The following QRICH2 variants were observed in gnomAD, a reference collection of about 807,000 sequenced individuals.
QRICH2 encodes glutamine-rich protein 2.
QRICH2 carries 119 observed loss-of-function variants against 168.3 expected under a neutral mutation model. That is an observed-to-expected ratio of 0.71 (90% CI 0.61 to 0.82). QRICH2 has a LOEUF of 0.82. Among genes scored for constraint, QRICH2 ranks in the 40% least tolerant of loss-of-function variants. The pLI is 0.00. For synonymous variants in QRICH2, 894 were observed against 951.2 expected, an observed-to-expected ratio of 0.94 and a Z score of 1.11; for missense variants, 2,241 against 2,491.6, an observed-to-expected ratio of 0.90 and a Z score of 2.14.
Position 76,275,859 on chromosome 17 carries a change from A to AGAGGGCAGCT in QRICH2, c.5432_5441dup (p.Arg1815AlafsTer25). 2 of 1,608,098 alleles carry AGAGGGCAGCT rather than the reference A, an allele frequency of 1.2e-6. No individual in the cohort carries two copies. The highest frequency in any genetic ancestry group is 1.3e-5 in the African/African-American group (1 of 75,018). ...CCGAAATCTGGGCGCTCTGTGGCCGAGAGGGCAGCTGGCCATTGCTGCTGA... is the reference window on the plus strand; with the variant it reads ...CCGAAATCTGGGCGCTCTGTGGCCGAGAGGGCAGCTGAGGGCAGCTGGCCATTGCTGCTGA... On this transcript the variant is annotated frameshift_variant, in exon 18 of 19. Coordinates refer to ENST00000680821, the MANE Select transcript of QRICH2 (RefSeq NM_001388453.1). LOFTEE classifies it low-confidence loss of function (END_TRUNC).
rs1194476381 is a variant in QRICH2, at chr17:76,307,162, G to C, written c.534+303C>G. The stretch of plus-strand genomic sequence containing the variant: ...TCCCGTAAACAGGGGCTAGGAAGGA[G>C]GGGGTGGGATGGGGCCACTACACTT... On this transcript the variant is annotated intron_variant, in intron 1 of 18. Transcript: ENST00000680821. This position sits in a 1 kb window ranked among gnomAD's most constrained non-coding sequence, Gnocchi z 5.3. Among the ~76,000 whole-genome samples the C allele has an allele frequency of 6.6e-6, 1 of 152,210 alleles. No homozygotes were observed. Among genetic ancestry groups the C allele is most frequent in the Admixed American group, 6.5e-5 (1 of 15,288 alleles).
Position 76,293,678 on chromosome 17 carries a change from G to A in QRICH2, c.1049C>T (p.Ser350Leu), listed in dbSNP as rs140207583. The change falls in exon 4 of 19, where the codon TCG (serine) becomes TTG (leucine). Residue 350 changes from serine to leucine, a missense_variant. Transcript: ENST00000680821. ...ACGTGCATTTCTTCTTGGTTGTGTC[G>A]AGGTAAGCTTCTCTCTACTCCTGTG... The part of the protein sequence containing the change: ...DRHRSREKLT[S>L]TQPRRNARPG... The A allele has an allele frequency of 1.9e-4, 302 of 1,614,136 alleles. 4 individuals are homozygous for A. In the South Asian group the frequency reaches 2.1e-3, roughly 11 times the overall value.
At position 76,280,415 on chromosome 17, in the gene QRICH2, G is replaced by A. The variant is rs749917221; in HGVS notation, c.4498C>T (p.Arg1500Cys). 8.1e-6 allele frequency: 13 copies of A among 1,614,132 alleles called. No homozygotes were observed. The highest frequency in any genetic ancestry group is 4.5e-5 in the East Asian group (2 of 44,882). ...TCCGTGGTGGCATCAAACTGGACAC[G>A]GCTCACTTTGGTGGCCAGAGCACTC... ...DKSALATKVS[R>C]VQFDATTEQL... The change falls in exon 11 of 19, where the codon CGT becomes TGT. Residue 1500 changes from arginine (R) to cysteine (C), a missense_variant. Around this residue, in one of 3 missense-constraint regions of QRICH2, gnomAD observed 2,047 missense variants for 2,303.8 expected, o/e 0.89. Transcript: ENST00000680821. This position sits in a 1 kb window ranked among gnomAD's most constrained non-coding sequence, Gnocchi z 7.4.
intron 3 of QRICH2, among the ~76,000 whole-genome samples, chr17:76,296,206 G>C (rs2070791169): frequency 6.6e-6 from 1 of 152,174 alleles, no homozygotes; most frequent in South Asian, 2.1e-4. Flanking sequence ...CTGGGAGACA[G>C]AGTGAGACTC....
Position 76,280,963 on chromosome 17 carries a change from G to A in QRICH2, c.4264-10C>T, listed in dbSNP as rs371056650. 6.2e-6 allele frequency: 10 copies of A among 1,606,600 alleles called. No homozygotes were observed. The highest frequency in any genetic ancestry group is 2.2e-5 in the East Asian group (1 of 44,880). On this transcript the variant is annotated splice_polypyrimidine_tract_variant and intron_variant, in intron 8 of 18. Coordinates refer to ENST00000680821, the MANE Select transcript of QRICH2 (RefSeq NM_001388453.1). This position sits in a 1 kb window ranked among gnomAD's most constrained non-coding sequence, Gnocchi z 7.4. ...CCAGCAGCTCCTCGTCCTGCGGCAG[G>A]AGGGATGGGAAGGCTCTCGGAGGCT... is the stretch of plus-strand genomic sequence containing the variant.
chr17:76,294,583 C>T (rs577829768), intron 3 of QRICH2, among the ~76,000 whole-genome samples: 2 of 151,408 alleles, frequency 1.3e-5, no homozygotes, highest in Admixed American at 6.6e-5. Flanking sequence ...GAGGCCAAGG[C>T]GGGTGGATCA....
chr17:76,299,577 A>G (rs2143367020), intron 3 of QRICH2, among the ~76,000 whole-genome samples: 1 of 151,904 alleles, frequency 6.6e-6, no homozygotes, highest in African/African-American at 2.4e-5. Flanking sequence ...TCCCTAGTAA[A>G]AATACAAAAA....
chr17:76,282,197 C>G (rs867571251), intron 7 of QRICH2, 82 bp from the exon 8 acceptor site: 49 of 1,482,428 alleles, frequency 3.3e-5, no homozygotes, highest in Non-Finnish European at 4.3e-5. Context: ...TGCCCCTAGC[C>G]TGTGTGCCTC....
intron 3 of QRICH2, 102 bp from the exon 4 acceptor site, chr17:76,294,123 C>G: frequency 6.9e-7 from 1 of 1,442,392 alleles, no homozygotes; most frequent in Non-Finnish European, 9.2e-7. Flanking sequence ...ATTTAGGGCC[C>G]CTGGAGAAAA....
Position 76,278,947 on chromosome 17 carries a change from G to A in QRICH2, c.4916+94C>T, listed in dbSNP as rs574831990. The A allele has an allele frequency of 4.9e-5, 50 of 1,014,396 alleles. No individual in the cohort carries two copies. In the African/African-American group the frequency reaches 6.2e-4, roughly 13 times the overall value. 62.8% of individuals were successfully genotyped at this position (1,014,396 alleles called of 1,614,324 possible). ...ACAGCACTGCCTTCTGTCACGTTCC[G>A]CTGGGCCCTCCGGAGTCATCCCTGT... On this transcript the variant is annotated intron_variant, in intron 14 of 18. Transcript: ENST00000680821.
intron 5 of QRICH2, among the ~76,000 whole-genome samples, chr17:76,289,463 A>C (rs942424581): frequency 3.1e-4 from 47 of 152,014 alleles, no homozygotes; most frequent in African/African-American, 1.0e-3. Flanking sequence ...CTGGGATTAT[A>C]GGCATGAGCC....
intron 7 of QRICH2, among the ~76,000 whole-genome samples, chr17:76,285,976 T>A (rs142324441): frequency 6.6e-6 from 1 of 151,572 alleles, no homozygotes; most frequent in Non-Finnish European, 1.5e-5. Flanking sequence ...ATTGAGACCA[T>A]CCTGGCTAAC....
intron 18 of QRICH2, among the ~76,000 whole-genome samples, chr17:76,274,984 G>A (rs781281297): frequency 1.3e-5 from 2 of 152,154 alleles, no homozygotes; most frequent in South Asian, 4.1e-4. Flanking sequence ...CATGAGCACC[G>A]CAGCCACTTT....
chr17:76,310,656 T>A (rs1004138561), upstream of QRICH2: 2 of 150,552 alleles, frequency 1.3e-5, no homozygotes, highest in African/African-American at 4.9e-5. Flanking sequence ...TTTGTAGACA[T>A]GGGGGTTTCG....
At chr17:76,295,152 G>A (rs2070776254) in intron 3 of QRICH2, among the ~76,000 whole-genome samples, 2 of 151,656 alleles carry the variant, frequency 1.3e-5, no homozygotes, top group South Asian at 4.2e-4. Context: ...CCAGCTACTT[G>A]GGAGGACAAG....
rs2070760117 is a variant in QRICH2, at chr17:76,280,144, A to G, written c.4637T>C (p.Leu1546Pro). The change falls in exon 12 of 19, where the codon CTG (leucine) becomes CCG (proline). Residue 1546 changes from leucine to proline, a missense_variant. By Grantham distance (98) the Leu-to-Pro change is moderately conservative (BLOSUM62 -3). This residue lies in a region of QRICH2 where 2,047 missense variants were observed against 2,303.8 expected (regional missense o/e 0.89). Transcript: ENST00000680821. This position sits in a 1 kb window ranked among gnomAD's most constrained non-coding sequence, Gnocchi z 7.4. ...CAACTGCTTCACTGGGTCCAGCTCC[A>G]GGCGGTCCAGCTGTGGCGGGGAAAG... The part of the protein sequence containing the change: ...LTEMDNKLDR[L>P]ELDPVKQLLE... 6.2e-7 allele frequency: 1 copy of G among 1,613,662 alleles called. No individual in the cohort carries two copies. Among genetic ancestry groups the G allele is most frequent in the African/African-American group, 1.3e-5 (1 of 74,926 alleles).
chr17:76,297,248 G>A (rs761046344), intron 3 of QRICH2, among the ~76,000 whole-genome samples: 30 of 152,130 alleles, frequency 2.0e-4, no homozygotes, highest in Non-Finnish European at 3.2e-4. Flanking sequence ...GTCCCACACC[G>A]GTAATCCCAA....
At chr17:76,301,502 A>G in intron 3 of QRICH2, 1 of 217,084 alleles carries the variant, frequency 4.6e-6, no homozygotes, top group Non-Finnish European at 9.8e-6. Flanking sequence ...CCAGAGGGGA[A>G]GGTTGCAGTG....
In QRICH2 at chr17:76,285,378, C is replaced by T. The variant is rs1313261124; in HGVS notation, c.4011+1814G>A. 5.3e-5 allele frequency among the ~76,000 whole-genome samples: 8 copies of T among 151,624 alleles called. 1 individual carries two copies. The highest frequency in any genetic ancestry group is 1.7e-4 in the African/African-American group (7 of 41,280). The stretch of plus-strand genomic sequence containing the variant: ...CGAACTCCTGACCTCGTGATCCACC[C>T]GTCTGGGCCTCCCAAAGTGCTGGGA... On this transcript the variant is annotated intron_variant, in intron 7 of 18. Transcript: ENST00000680821.
Sources: gnomAD v4.1 joint callset for allele counts (sites outside exome capture counted in the v4.1 genomes callset) on GRCh38, gnomAD v4.1.1 for gene constraint, gnomAD v4.1.1 regional missense constraint, Gnocchi (gnomAD v3.1) non-coding constraint, MANE v1.5 for transcripts, NCBI Gene and HGNC (gene_info 2026-07-23, HGNC 2026-07-21) for gene names.